AAMDC: variants seen among roughly 807,000 people sequenced by gnomAD.
AAMDC encodes the protein adipogenesis associated Mth938 domain containing, also known as mth938 domain-containing protein.
In AAMDC, 16 loss-of-function variants were observed where a neutral mutation model predicts 15.5. The observed-to-expected ratio is 1.03, with a 90% CI of 0.70 to 1.57. The LOEUF is 1.57. AAMDC is among the 40% of genes most tolerant of loss of function. The probability of loss-of-function intolerance (pLI) is 0.00; values close to 1 mark genes in which losing one functional copy is unlikely to be tolerated. For synonymous variants in AAMDC, 51 were observed against 51.6 expected, an observed-to-expected ratio of 0.99 and a Z score of 0.05; for missense variants, 141 against 144.9, an observed-to-expected ratio of 0.97 and a Z score of 0.14.
At chr11:77,847,248 G>A (rs1335420419) in intron 2 of AAMDC, among the ~76,000 whole-genome samples, 1 of 152,102 alleles carries the variant, frequency 6.6e-6, no homozygotes. Flanking sequence ...CCTTCACTTT[G>A]GCCTTTGGGA....
chr11:77,895,717 T>C (rs1166321808), intron 5 of AAMDC, among the ~76,000 whole-genome samples: 2 of 152,016 alleles, frequency 1.3e-5, no homozygotes, highest in Non-Finnish European at 2.9e-5. Flanking sequence ...AGCAGTGACA[T>C]TTCCTCATTT....
At chr11:77,823,108 G>C (rs1218369744) in intron 1 of AAMDC, among the ~76,000 whole-genome samples, 1 of 151,506 alleles carries the variant, frequency 6.6e-6, no homozygotes, top group Non-Finnish European at 1.5e-5. Flanking sequence ...ACAGCTACTC[G>C]GGAGGCTGAG....
chr11:77,877,971 G>T (rs774723748), intron 5 of AAMDC, among the ~76,000 whole-genome samples: 1 of 152,046 alleles, frequency 6.6e-6, no homozygotes, highest in African/African-American at 2.4e-5. Context: ...CTGGACCCCT[G>T]TTTCCCATAA....
rs1279555872 is a variant in AAMDC at position 77,878,380 on chromosome 11, T to C, written c.328+1331T>C. Among the ~76,000 whole-genome samples the C allele has an allele frequency of 2.0e-5, 3 of 151,852 alleles. No homozygotes were observed. The East Asian group carries it at 5.8e-4, about 29-fold the overall frequency. On this transcript the variant is annotated intron_variant, in intron 5 of 5. Transcript: ENST00000304716. ...CCATCTCAAAAAAAAAAAAAAAATT[T>C]CCTCAAAGATGAAAATGATTCATTC...
At position 77,872,352 on chromosome 11, in the gene AAMDC, A is replaced by C; in HGVS notation, c.*37A>C. On this transcript the variant is annotated 3_prime_UTR_variant, in exon 4 of 4. Transcript: ENST00000393427. ...GAGGAGAATAAATCACTAAGTGCCT[A>C]TGCCTGTGACTGTCACTCACCATTC... 6.3e-7 allele frequency: 1 copy of C among 1,581,414 alleles called. No individual in the cohort carries two copies. The highest frequency in any genetic ancestry group is 8.6e-7 in the Non-Finnish European group (1 of 1,164,412).
intron 2 of AAMDC, among the ~76,000 whole-genome samples, chr11:77,848,014 G>T (rs1397387091): frequency 6.6e-6 from 1 of 152,140 alleles, no homozygotes; most frequent in Non-Finnish European, 1.5e-5. Context: ...GCCCTCAATG[G>T]ATTGGATGAT....
chr11:77,885,520 T>C (rs1192714919), intron 5 of AAMDC, among the ~76,000 whole-genome samples: 1 of 152,006 alleles, frequency 6.6e-6, no homozygotes, highest in African/African-American at 2.4e-5. Context: ...CATTTTTTTT[T>C]AGAAAATGAA....
chr11:77,861,439 G>A (rs1950872780), intron 2 of AAMDC, among the ~76,000 whole-genome samples: 1 of 152,198 alleles, frequency 6.6e-6, no homozygotes, highest in African/African-American at 2.4e-5. Context: ...GTGTCCAAGA[G>A]ACAGTTAACC....
At chr11:77,884,715 C>A in intron 5 of AAMDC, 1 of 300,106 alleles carries the variant, frequency 3.3e-6, no homozygotes, top group South Asian at 2.8e-5. Context: ...CTTCATCTCT[C>A]CTCAGGTCAT....
intron 5 of AAMDC, among the ~76,000 whole-genome samples, chr11:77,893,709 A>T (rs1775863082): frequency 6.6e-6 from 1 of 152,116 alleles, no homozygotes; most frequent in Non-Finnish European, 1.5e-5. Flanking sequence ...CCTGGCCAAC[A>T]TGATGAAACC....
rs1281376672 is a variant in AAMDC at position 77,841,272 on chromosome 11, G to A, written c.-18-1207G>A. 4.3e-6 allele frequency: 3 copies of A among 702,042 alleles called. No individual in the cohort carries two copies. The South Asian group carries it at 4.4e-5, about 10-fold the overall frequency. 43.5% of individuals were successfully genotyped at this position (702,042 alleles called of 1,614,324 possible). ...TAATGGCAGTTAAATTTAAACATGA[G>A]TTTGGAAGGGTGCAGACATTCAAAC... On this transcript the variant is annotated intron_variant, in intron 1 of 3. Transcript: ENST00000393427.
chr11:77,887,921 A>G (rs1952087737), intron 5 of AAMDC, among the ~76,000 whole-genome samples: 1 of 152,368 alleles, frequency 6.6e-6, no homozygotes, highest in Admixed American at 6.5e-5. Flanking sequence ...ATGAAATAAA[A>G]GAGGATACAA....
chr11:77,854,752 G>A (rs1362960442), intron 2 of AAMDC, among the ~76,000 whole-genome samples: 3 of 152,308 alleles, frequency 2.0e-5, no homozygotes, highest in Admixed American at 2.0e-4. Flanking sequence ...ATGTCTGGAG[G>A]ATGGTGGCCC....
At chr11:77,896,508 C>T (rs1445883889) in intron 5 of AAMDC, among the ~76,000 whole-genome samples, 3 of 151,952 alleles carry the variant, frequency 2.0e-5, no homozygotes, top group Admixed American at 6.6e-5. Flanking sequence ...CAAAATTAGC[C>T]GGGTACAGTG....
chr11:77,858,283 C>T (rs1173241386), intron 2 of AAMDC, among the ~76,000 whole-genome samples: 1 of 146,948 alleles, frequency 6.8e-6, no homozygotes, highest in Admixed American at 6.9e-5. Flanking sequence ...CAACCTCCAC[C>T]TCCTGCGTTT....
At chr11:77,872,384 C>T (rs1056526975), downstream of AAMDC, 1 of 1,521,584 alleles carries the variant, frequency 6.6e-7, no homozygotes, top group African/African-American at 1.4e-5. Context: ...ATTCTCCAAA[C>T]CAGCCTCCCC....
chr11:77,858,908 A>G (rs111268234), intron 2 of AAMDC, among the ~76,000 whole-genome samples: 5 of 152,160 alleles, frequency 3.3e-5, no homozygotes, highest in Non-Finnish European at 5.9e-5. Context: ...GAGGTTAGAG[A>G]TACAGGGATT....
intron 2 of AAMDC, among the ~76,000 whole-genome samples, chr11:77,848,463 T>G (rs1459494461): frequency 6.6e-6 from 1 of 151,834 alleles, no homozygotes; most frequent in Non-Finnish European, 1.5e-5. Flanking sequence ...GTTCAAGCGA[T>G]TCTCCTACCT....
chr11:77,841,687 C>T (rs538599867), intron 1 of AAMDC, among the ~76,000 whole-genome samples: 1 of 152,256 alleles, frequency 6.6e-6, no homozygotes, highest in East Asian at 1.9e-4. Flanking sequence ...TGATGCATAT[C>T]CTTGCAGCCT....
Sources: allele counts gnomAD v4.1 joint callset (sites outside exome capture counted in the v4.1 genomes callset), GRCh38; gene constraint gnomAD v4.1.1; transcripts MANE v1.5; gene names NCBI Gene and HGNC (gene_info 2026-07-23, HGNC 2026-07-21).